The following ST6GALNAC3 variants were observed in gnomAD, a reference collection of about 807,000 sequenced individuals.
ST6GALNAC3 encodes alpha-N-acetylgalactosaminide alpha-2,6-sialyltransferase 3.
In ST6GALNAC3, 25 loss-of-function variants were observed where a neutral mutation model predicts 32.7. That is an observed-to-expected ratio of 0.76 (90% CI 0.56 to 1.07). The LOEUF (loss-of-function observed/expected upper bound fraction) is 1.07, where lower values mean the gene tolerates loss of function less well. Among genes scored for constraint, ST6GALNAC3 ranks in the 50% least tolerant of loss-of-function variants. The probability of loss-of-function intolerance (pLI) is 0.00; values close to 1 mark genes in which losing one functional copy is unlikely to be tolerated. For missense variants in ST6GALNAC3, 355 were observed against 382.4 expected, an observed-to-expected ratio of 0.93 and a Z score of 0.60; for synonymous variants, 129 against 133.1, an observed-to-expected ratio of 0.97 and a Z score of 0.21.
chr1:76,335,637 A>G (rs1001875614), intron 2 of ST6GALNAC3, among the ~76,000 whole-genome samples: 1 of 152,208 alleles, frequency 6.6e-6, no homozygotes, highest in African/African-American at 2.4e-5. Flanking sequence ...CATGAACATA[A>G]TGAAATGCTG....
chr1:76,428,220 G>A (rs181611682), intron 3 of ST6GALNAC3, among the ~76,000 whole-genome samples: 27 of 152,014 alleles, frequency 1.8e-4, no homozygotes, highest in Admixed American at 1.6e-3. Flanking sequence ...ATACAACCCT[G>A]AAATTGAACA....
At chr1:76,110,763 T>G (rs998762435) in intron 1 of ST6GALNAC3, among the ~76,000 whole-genome samples, 2 of 152,234 alleles carry the variant, frequency 1.3e-5, no homozygotes, top group Non-Finnish European at 2.9e-5. Context: ...AATGTTATAA[T>G]TTTAAGCACT....
intron 1 of ST6GALNAC3, among the ~76,000 whole-genome samples, chr1:76,081,916 C>T (rs1299291037): frequency 6.6e-6 from 1 of 152,192 alleles, no homozygotes; most frequent in Non-Finnish European, 1.5e-5. Flanking sequence ...CTTGTGAATG[C>T]ACTTTGCAAA....
intron 3 of ST6GALNAC3, among the ~76,000 whole-genome samples, chr1:76,494,468 T>TATATATATATATATATATAC (rs1472545640): frequency 3.4e-5 from 2 of 59,526 alleles, no homozygotes; most frequent in African/African-American, 7.0e-5. Context: ...TATATATATA[T>TATATATATATATATATATAC]ACACACACAC....
intron 2 of ST6GALNAC3, among the ~76,000 whole-genome samples, chr1:76,391,002 C>T (rs12121325): frequency 0.011 from 1,628 of 144,136 alleles, 24 homozygotes; most frequent in Non-Finnish European, 0.018. Context: ...TGCAGTGGCA[C>T]GATCTTGGCT....
intron 1 of ST6GALNAC3, among the ~76,000 whole-genome samples, chr1:76,172,352 C>T (rs1652572841): frequency 6.6e-6 from 1 of 152,080 alleles, no homozygotes. Flanking sequence ...ATAATAAGAG[C>T]TATTTATGAC....
intron 1 of ST6GALNAC3, among the ~76,000 whole-genome samples, chr1:76,080,062 G>T (rs1437969303): frequency 1.3e-5 from 2 of 152,224 alleles, no homozygotes; most frequent in Non-Finnish European, 2.9e-5. Flanking sequence ...CCCTAAGTGA[G>T]ATTATAGACT....
intron 2 of ST6GALNAC3, among the ~76,000 whole-genome samples, chr1:76,389,104 G>A (rs762319609): frequency 1.4e-5 from 2 of 145,750 alleles, no homozygotes; most frequent in Non-Finnish European, 3.0e-5. Context: ...TCTGTAAAAG[G>A]GACTAAAGGG....
chr1:76,263,571 T>C (rs966208854), intron 1 of ST6GALNAC3, among the ~76,000 whole-genome samples: 1 of 152,174 alleles, frequency 6.6e-6, no homozygotes, highest in South Asian at 2.1e-4. Flanking sequence ...TTGAGATGTG[T>C]AATATTGAAG....
intron 3 of ST6GALNAC3, among the ~76,000 whole-genome samples, chr1:76,485,670 C>A (rs1660058966): frequency 6.6e-6 from 1 of 152,154 alleles, no homozygotes; most frequent in African/African-American, 2.4e-5. Context: ...TTTCAAAAAA[C>A]TAGCTCCTGG....
chr1:76,605,737 C>T (rs936625383), intron 3 of ST6GALNAC3, among the ~76,000 whole-genome samples: 10 of 151,446 alleles, frequency 6.6e-5, no homozygotes, highest in African/African-American at 1.5e-4. Context: ...TGGTGATGGA[C>T]GCCTGTAATT....
At chr1:76,287,741 G>A (rs1659866849) in intron 1 of ST6GALNAC3, among the ~76,000 whole-genome samples, 1 of 152,146 alleles carries the variant, frequency 6.6e-6, no homozygotes, top group South Asian at 2.1e-4. Flanking sequence ...TTAGTCCATT[G>A]GGTGTGTTTG....
intron 1 of ST6GALNAC3, among the ~76,000 whole-genome samples, chr1:76,247,378 G>A (rs527514453): frequency 1.4e-4 from 21 of 152,252 alleles, no homozygotes; most frequent in African/African-American, 4.8e-4. Context: ...CTTTAGAGCC[G>A]GCAGGCAGGA....
At chr1:76,158,359 C>T (rs559460313) in intron 1 of ST6GALNAC3, among the ~76,000 whole-genome samples, 1 of 152,220 alleles carries the variant, frequency 6.6e-6, no homozygotes, top group South Asian at 2.1e-4. Context: ...CTGAGTCAGG[C>T]CAATTAACTT....
chr1:76,352,390 T>C (rs539718835), intron 2 of ST6GALNAC3, among the ~76,000 whole-genome samples: 1 of 152,008 alleles, frequency 6.6e-6, no homozygotes, highest in South Asian at 2.1e-4. Flanking sequence ...GAGAATATTA[T>C]TGGGCTCATA....
At chr1:76,108,860 TAGTGTG>T (rs1183893571) in intron 1 of ST6GALNAC3, among the ~76,000 whole-genome samples, 16 of 92,698 alleles carry the variant, frequency 1.7e-4, no homozygotes, top group Admixed American at 4.1e-4. Context: ...TCTGTAGACA[TAGTGTG>T]TGTGTGTGTG....
At chr1:76,487,132 G>A (rs997764198) in intron 3 of ST6GALNAC3, among the ~76,000 whole-genome samples, 5 of 152,132 alleles carry the variant, frequency 3.3e-5, no homozygotes, top group Middle Eastern at 3.2e-3. Flanking sequence ...TGGGTAACCC[G>A]ACCTTTCTCT....
intron 3 of ST6GALNAC3, among the ~76,000 whole-genome samples, chr1:76,476,443 C>T (rs1375865485): frequency 6.6e-6 from 1 of 152,222 alleles, no homozygotes; most frequent in East Asian, 1.9e-4. Flanking sequence ...TACTAGAGTG[C>T]TTATGCCAGT....
chr1:76,523,326 G>A (rs1184040834), intron 3 of ST6GALNAC3, among the ~76,000 whole-genome samples: 1 of 152,042 alleles, frequency 6.6e-6, no homozygotes, highest in African/African-American at 2.4e-5. Flanking sequence ...TACATCATGT[G>A]TGGATTTGTT....
Sources: allele counts gnomAD v4.1 joint callset (sites outside exome capture counted in the v4.1 genomes callset), GRCh38; gene constraint gnomAD v4.1.1; transcripts MANE v1.5; gene names NCBI Gene and HGNC (gene_info 2026-07-23, HGNC 2026-07-21).